MAP2K5: variants seen among roughly 807,000 people sequenced by gnomAD.
MAP2K5 encodes mitogen-activated protein kinase kinase 5.
MAP2K5 carries 49 observed loss-of-function variants against 83.1 expected under a neutral mutation model. That is an observed-to-expected ratio of 0.59 (90% CI 0.47 to 0.75). The LOEUF (loss-of-function observed/expected upper bound fraction) is 0.75. MAP2K5 is among the 30% of genes least tolerant of loss of function. The pLI is 0.00. For missense variants in MAP2K5, 457 were observed against 557.5 expected (o/e 0.82, Z 1.82); for synonymous variants, 202 against 191.8 (o/e 1.05, Z -0.44).
intron 19 of MAP2K5, among the ~76,000 whole-genome samples, chr15:67,767,229 C>T (rs758129359): frequency 5.9e-5 from 9 of 152,132 alleles, no homozygotes; most frequent in Non-Finnish European, 8.8e-5. Context: ...GTTTCTCATC[C>T]GTTTTTAAAT....
In MAP2K5 at chr15:67,708,322, T is replaced by TAA. The variant is rs200154926; in HGVS notation, c.1044+4927_1044+4928dup. On this transcript the variant is annotated intron_variant, in intron 16 of 21. Coordinates refer to ENST00000178640, the MANE Select transcript of MAP2K5 (RefSeq NM_145160.3). The surrounding 1 kb of genome is among the most constrained non-coding windows in gnomAD (Gnocchi z 4.9). ...TAGTCAACAGAGCAAGATGCTGTCT[T>TAA]AAAAAAAAAAAAAATCAGATAGAGA... Among the ~76,000 whole-genome samples the TAA allele has an allele frequency of 2.8e-5, 4 of 142,410 alleles. No homozygotes were observed. The highest frequency in any genetic ancestry group is 2.2e-4 in the South Asian group (1 of 4,492). 93.4% of individuals were successfully genotyped at this position (142,410 alleles called of 152,430 possible).
rs1287021089 is a variant in MAP2K5, at chr15:67,559,688, G to T, written c.185-3595G>T. Among the ~76,000 whole-genome samples, 1 of 152,016 alleles carries T rather than the reference G, an allele frequency of 6.6e-6. No homozygotes were observed. Among genetic ancestry groups the T allele is most frequent in the Non-Finnish European group, 1.5e-5 (1 of 68,000 alleles). On this transcript the variant is annotated intron_variant, in intron 2 of 21. Transcript: ENST00000178640. The surrounding 1 kb of genome is among the most constrained non-coding windows in gnomAD (Gnocchi z 4.7). ...ATCTAGCCAGTACATAGGCTTTCTGGTTCTACTTTTGCTTCCCTAATGTGC... is the reference window on the plus strand; with the variant it reads ...ATCTAGCCAGTACATAGGCTTTCTGTTTCTACTTTTGCTTCCCTAATGTGC...
chr15:67,703,349 T>G lies in MAP2K5; in HGVS notation c.985T>G (p.Ser329Ala). The change falls in exon 16 of 22, where the codon TCA (serine) becomes GCA (alanine). Residue 329 changes from serine to alanine, a missense_variant. Coordinates refer to ENST00000178640, the MANE Select transcript of MAP2K5 (RefSeq NM_145160.3). Reference protein sequence around the residue: ...TNAYMAPERISGEQYGIHSDV... With the variant: ...TNAYMAPERIAGEQYGIHSDV... ...TGATTTCTTGCAGCCTGAAAGGATTTCAGGGGAGCAGTATGGAATTCATTC... is the reference window on the plus strand; with the variant it reads ...TGATTTCTTGCAGCCTGAAAGGATTGCAGGGGAGCAGTATGGAATTCATTC... 6.2e-7 allele frequency: 1 copy of G among 1,613,650 alleles called. No individual in the cohort carries two copies. The highest frequency in any genetic ancestry group is 2.2e-5 in the East Asian group (1 of 44,870).
rs1566960956 is a variant in MAP2K5, at chr15:67,777,013, C to T, written c.1242+4261C>T. On this transcript the variant is annotated intron_variant, in intron 21 of 21. Coordinates refer to ENST00000178640, the MANE Select transcript of MAP2K5 (RefSeq NM_145160.3). The surrounding 1 kb of genome is among the most constrained non-coding windows in gnomAD (Gnocchi z 6.0). ...GGAGATGTTTCTTTTCATCCAAAAA[C>T]AGGAATTCATGACTGCTACATTTTT... 6.6e-6 allele frequency among the ~76,000 whole-genome samples: 1 copy of T among 152,204 alleles called. No homozygotes were observed. Among genetic ancestry groups the T allele is most frequent in the Non-Finnish European group, 1.5e-5 (1 of 68,036 alleles).
At position 67,772,734 on chromosome 15, in the gene MAP2K5, A is replaced by G; in HGVS notation, c.1224A>G (p.Pro408=). 1 of 1,604,220 alleles carries G rather than the reference A, an allele frequency of 6.2e-7. No homozygotes were observed. Among genetic ancestry groups the G allele is most frequent in the East Asian group, 2.3e-5 (1 of 44,436 alleles). The change falls in exon 21 of 22, where the codon CCA becomes CCG. Residue 408 remains proline (P), a synonymous_variant. Coordinates refer to ENST00000178640, the MANE Select transcript of MAP2K5 (RefSeq NM_145160.3). ...TGCGAAAACAGCCAAAAGAAAGGCC[A>G]GCACCTGAAGAATTGATGGTAAGTG... ...QCMRKQPKER[P]APEELMGHPF...
chr15:67,673,197 C>G (rs2087590261), intron 13 of MAP2K5, among the ~76,000 whole-genome samples: 1 of 151,736 alleles, frequency 6.6e-6, no homozygotes, highest in Admixed American at 6.6e-5. Flanking sequence ...AATTCTGGAA[C>G]ACTTTTTTTT....
At chr15:67,804,566 G>C (rs989502034) in intron 21 of MAP2K5, among the ~76,000 whole-genome samples, 1 of 152,228 alleles carries the variant, frequency 6.6e-6, no homozygotes, top group Non-Finnish European at 1.5e-5. Context: ...CTGCAGTGCG[G>C]CCATCCGCCC....
intron 8 of MAP2K5, among the ~76,000 whole-genome samples, chr15:67,616,449 G>C (rs1469689765): frequency 6.6e-6 from 1 of 151,988 alleles, no homozygotes; most frequent in Non-Finnish European, 1.5e-5. Context: ...CTTTTCCTTT[G>C]TCTTTTTACC....
At chr15:67,740,916 T>G in intron 17 of MAP2K5, among the ~76,000 whole-genome samples, 1 of 151,298 alleles carries the variant, frequency 6.6e-6, no homozygotes, top group Non-Finnish European at 1.5e-5. Flanking sequence ...TAATCTCAGG[T>G]ACTCAGGAGG....
At chr15:67,619,796 C>T (rs1392480938) in intron 8 of MAP2K5, among the ~76,000 whole-genome samples, 2 of 151,082 alleles carry the variant, frequency 1.3e-5, no homozygotes, top group Middle Eastern at 3.5e-3. Flanking sequence ...CCAGCCATGG[C>T]GGTACTCTCC....
At chr15:67,593,029 G>A (rs2085449293) in intron 7 of MAP2K5, 55 bp downstream of exon 7, 1 of 1,154,466 alleles carries the variant, frequency 8.7e-7, no homozygotes, top group Non-Finnish European at 1.3e-6. Flanking sequence ...TTACCGTCCA[G>A]TTTTTGTATC....
At chr15:67,639,234 A>G (rs375944810) in intron 9 of MAP2K5, among the ~76,000 whole-genome samples, 1 of 152,312 alleles carries the variant, frequency 6.6e-6, no homozygotes, top group South Asian at 2.1e-4. Flanking sequence ...CATCTGACAG[A>G]GTTCTAATAT....
intron 8 of MAP2K5, among the ~76,000 whole-genome samples, chr15:67,609,513 T>C (rs577211305): frequency 1.2e-4 from 14 of 120,654 alleles, no homozygotes; most frequent in African/African-American, 4.6e-4. Context: ...TGTAGACCTA[T>C]TCTATAGGTC....
intron 3 of MAP2K5, among the ~76,000 whole-genome samples, chr15:67,570,982 A>G (rs1353672317): frequency 6.6e-6 from 1 of 152,224 alleles, no homozygotes; most frequent in Non-Finnish European, 1.5e-5. Context: ...GATGTATGGA[A>G]GAATAATAAG....
chr15:67,672,347 T>A (rs1323731866), intron 13 of MAP2K5, among the ~76,000 whole-genome samples: 3 of 152,176 alleles, frequency 2.0e-5, no homozygotes, highest in Non-Finnish European at 4.4e-5. Flanking sequence ...TTTTTAATGA[T>A]CGCCATTCTA....
At chr15:67,715,885 A>G (rs1399462114) in intron 16 of MAP2K5, among the ~76,000 whole-genome samples, 2 of 152,236 alleles carry the variant, frequency 1.3e-5, no homozygotes, top group East Asian at 3.8e-4. Context: ...CCTCCTCAAC[A>G]GTGAAATCAT....
chr15:67,628,237 T>TG, intron 8 of MAP2K5: 1 of 643,906 alleles, frequency 1.6e-6, no homozygotes, highest in Non-Finnish European at 2.8e-6. Flanking sequence ...ATCCCAACAC[T>TG]TTGGGAGGCT....
intron 6 of MAP2K5, among the ~76,000 whole-genome samples, chr15:67,591,835 G>T (rs1169988691): frequency 1.3e-5 from 2 of 151,984 alleles, no homozygotes; most frequent in Non-Finnish European, 2.9e-5. Flanking sequence ...TTTCACGCCA[G>T]GGGTGGTGGC....
At chr15:67,654,981 C>T (rs1049607306) in intron 11 of MAP2K5, among the ~76,000 whole-genome samples, 2 of 151,542 alleles carry the variant, frequency 1.3e-5, no homozygotes, top group Non-Finnish European at 2.9e-5. Context: ...TGGAGAATAG[C>T]TTGAATCCAG....
Sources: allele counts gnomAD v4.1 joint callset (sites outside exome capture counted in the v4.1 genomes callset), GRCh38; gene constraint gnomAD v4.1.1; non-coding constraint Gnocchi (gnomAD v3.1); transcripts MANE v1.5; gene names NCBI Gene and HGNC (gene_info 2026-07-23, HGNC 2026-07-21).